Variants in RALYL observed in about 807,000 individuals in gnomAD.
RALYL encodes the protein RALY RNA binding protein like.
Under a neutral mutation model 35.1 loss-of-function variants are expected in RALYL, and 29 were observed. The ratio of observed to expected loss-of-function variants is 0.83; its 90% CI spans 0.61 to 1.13. The LOEUF (loss-of-function observed/expected upper bound fraction) is 1.13, where lower values mean the gene tolerates loss of function less well. RALYL is among the 50% of genes most tolerant of loss of function. The probability of loss-of-function intolerance (pLI) is 0.00; values close to 1 mark genes in which losing one functional copy is unlikely to be tolerated. For missense variants in RALYL, 359 were observed against 360.4 expected (o/e 1.00, Z 0.03); for synonymous variants, 120 against 127.6 (o/e 0.94, Z 0.40).
chr8:84,277,672 C>G (rs1011551010), intron 1 of RALYL, among the ~76,000 whole-genome samples: 1 of 152,194 alleles, frequency 6.6e-6, no homozygotes, highest in Non-Finnish European at 1.5e-5. Flanking sequence ...GATAAATACA[C>G]CTATTTTAAA....
chr8:84,623,531 T>C (rs2131124389), intron 2 of RALYL, among the ~76,000 whole-genome samples: 1 of 152,228 alleles, frequency 6.6e-6, no homozygotes, highest in South Asian at 2.1e-4. Flanking sequence ...CTCTTAATAT[T>C]GAGATGATTG....
chr8:84,504,209 A>C lies in RALYL; in HGVS notation c.-23-25090A>C, dbSNP rs541763567. Among the ~76,000 whole-genome samples, 8 of 152,288 alleles carry C rather than the reference A, an allele frequency of 5.3e-5. No individual in the cohort carries two copies. The South Asian group carries it at 1.7e-3, about 32-fold the overall frequency. On this transcript the variant is annotated intron_variant, in intron 1 of 8. Transcript: ENST00000521268. ...TCAAAAAAGAAGGAAAAGCAAATGG[A>C]TACTAAAGAGATGAGGTTAAATATG...
intron 1 of RALYL, among the ~76,000 whole-genome samples, chr8:84,311,087 A>AT (rs1234346778): frequency 1.7e-4 from 22 of 130,296 alleles, no homozygotes; most frequent in Admixed American, 4.5e-4. Context: ...AAAAAAAAAA[A>AT]AAAATGTATA....
intron 2 of RALYL, among the ~76,000 whole-genome samples, chr8:84,755,552 T>A (rs1811182807): frequency 6.6e-6 from 1 of 152,162 alleles, no homozygotes; most frequent in African/African-American, 2.4e-5. Context: ...CTAGACAGAA[T>A]TGGCAAATTG....
chr8:84,225,914 A>G (rs958035188), intron 1 of RALYL, among the ~76,000 whole-genome samples: 1 of 152,174 alleles, frequency 6.6e-6, no homozygotes, highest in African/African-American at 2.4e-5. Flanking sequence ...ATGCTTTGTG[A>G]TGAATGAATG....
intron 2 of RALYL, among the ~76,000 whole-genome samples, chr8:84,664,466 A>G (rs540716157): frequency 1.2e-3 from 185 of 151,986 alleles, no homozygotes; most frequent in Non-Finnish European, 2.4e-3. Flanking sequence ...ATCCATGAGC[A>G]TGGAATGTGT....
In RALYL at chr8:84,481,116, A is replaced by G. The variant is rs192852040; in HGVS notation, c.-23-48183A>G. On this transcript the variant is annotated intron_variant, in intron 1 of 8. Coordinates refer to ENST00000521268, the MANE Select transcript of RALYL (RefSeq NM_173848.7). ...GAGATGTAGAAGCCTTGGCCAAAGC[A>G]AGATAAAAAGAAGAATTAGGATCTG... 2.7e-3 allele frequency among the ~76,000 whole-genome samples: 409 copies of G among 152,316 alleles called. 1 individual carries two copies. The highest frequency in any genetic ancestry group is 9.5e-3 in the African/African-American group (394 of 41,576).
chr8:84,696,382 G>A (rs1282784944), intron 2 of RALYL, among the ~76,000 whole-genome samples: 1 of 151,814 alleles, frequency 6.6e-6, no homozygotes, highest in Non-Finnish European at 1.5e-5. Flanking sequence ...ATCAAGATTA[G>A]GTAGTCACAA....
At chr8:84,414,136 G>T (rs970713473) in intron 1 of RALYL, among the ~76,000 whole-genome samples, 26 of 151,410 alleles carry the variant, frequency 1.7e-4, no homozygotes, top group African/African-American at 6.1e-4. Flanking sequence ...TGAGATTTAT[G>T]ATTTTTTTAA....
intron 1 of RALYL, among the ~76,000 whole-genome samples, chr8:84,278,074 G>A (rs149024711): frequency 0.019 from 2,891 of 152,362 alleles, 42 homozygotes; most frequent in Non-Finnish European, 0.031. Flanking sequence ...CCCTAGCAGA[G>A]GTTCTCCATG....
chr8:84,520,022 C>G (rs973096081), intron 1 of RALYL, among the ~76,000 whole-genome samples: 3 of 152,222 alleles, frequency 2.0e-5, no homozygotes, highest in African/African-American at 7.2e-5. Context: ...ACAACATCAC[C>G]AATCACTAAA....
chr8:84,332,109 T>C (rs1417721203), intron 1 of RALYL, among the ~76,000 whole-genome samples: 1 of 152,154 alleles, frequency 6.6e-6, no homozygotes, highest in Non-Finnish European at 1.5e-5. Context: ...TTTCTCTTAC[T>C]GCTGCAGGCA....
At chr8:84,464,167 T>G (rs1402575122) in intron 1 of RALYL, among the ~76,000 whole-genome samples, 1 of 151,044 alleles carries the variant, frequency 6.6e-6, no homozygotes, top group African/African-American at 2.4e-5. Flanking sequence ...ATACTTTAAG[T>G]TTTAGGGTAC....
intron 8 of RALYL, among the ~76,000 whole-genome samples, chr8:84,895,535 C>G (rs1844606916): frequency 6.6e-6 from 1 of 152,050 alleles, no homozygotes; most frequent in African/African-American, 2.4e-5. Context: ...TGTTTTGAGA[C>G]AGAGTCTCTC....
At chr8:84,796,908 C>A (rs1228848979) in intron 3 of RALYL, among the ~76,000 whole-genome samples, 1 of 152,132 alleles carries the variant, frequency 6.6e-6, no homozygotes, top group Non-Finnish European at 1.5e-5. Flanking sequence ...TTATTGTGTT[C>A]TTTATCTTTT....
chr8:84,738,508 C>T (rs1847723110), intron 2 of RALYL, among the ~76,000 whole-genome samples: 1 of 152,046 alleles, frequency 6.6e-6, no homozygotes, highest in African/African-American at 2.4e-5. Flanking sequence ...CAGAAATACT[C>T]TTTCAGATAT....
At chr8:84,521,785 G>T (rs1379673035) in intron 1 of RALYL, among the ~76,000 whole-genome samples, 1 of 151,966 alleles carries the variant, frequency 6.6e-6, no homozygotes, top group Non-Finnish European at 1.5e-5. Context: ...TAACCAATAA[G>T]AAATTATTAA....
chr8:84,285,867 T>C (rs1837498982), intron 1 of RALYL, among the ~76,000 whole-genome samples: 2 of 152,060 alleles, frequency 1.3e-5, no homozygotes, highest in South Asian at 4.2e-4. Flanking sequence ...GTGGAAGTCA[T>C]TGGAGGATTT....
intron 1 of RALYL, among the ~76,000 whole-genome samples, chr8:84,211,849 A>T (rs1819569407): frequency 6.6e-6 from 1 of 152,134 alleles, no homozygotes; most frequent in Admixed American, 6.5e-5. Flanking sequence ...GTGGAGACAT[A>T]ATAATAATAG....
Sources: allele counts gnomAD v4.1 joint callset (sites outside exome capture counted in the v4.1 genomes callset), GRCh38; gene constraint gnomAD v4.1.1; transcripts MANE v1.5; gene names NCBI Gene and HGNC (gene_info 2026-07-23, HGNC 2026-07-21).